Variants in SFI1 observed in about 807,000 individuals in gnomAD.
SFI1 encodes the protein SFI1 centrin binding protein.
SFI1 carries 195 observed loss-of-function variants against 207.5 expected under a neutral mutation model. That is an observed-to-expected ratio of 0.94 (90% confidence interval 0.84 to 1.06). SFI1 has a LOEUF of 1.06. SFI1 is among the 50% of genes least tolerant of loss of function. SFI1 has a pLI of 0.00. For missense variants in SFI1, 1,634 were observed against 1,588.0 expected (o/e 1.03, Z -0.49); for synonymous variants, 630 against 598.9 (o/e 1.05, Z -0.76).
intron 15 of SFI1, among the ~76,000 whole-genome samples, 180 bp downstream of exon 15, chr22:31,589,757 C>T (rs1468955068): frequency 6.6e-6 from 1 of 151,978 alleles, no homozygotes; most frequent in Non-Finnish European, 1.5e-5. Flanking sequence ...CAGTGTTTCC[C>T]CTGGGAAATC....
intron 7 of SFI1, among the ~76,000 whole-genome samples, chr22:31,561,031 T>A (rs62237766): frequency 6.6e-6 from 1 of 152,090 alleles, no homozygotes; most frequent in Non-Finnish European, 1.5e-5. Flanking sequence ...AATCAAACTG[T>A]GTAGGTCAAA....
chr22:31,584,757 T>C (rs2064796225), intron 13 of SFI1, among the ~76,000 whole-genome samples: 1 of 152,058 alleles, frequency 6.6e-6, no homozygotes. Flanking sequence ...CGTTTGGCCA[T>C]GAAACCAGAA....
intron 7 of SFI1, among the ~76,000 whole-genome samples, chr22:31,557,708 A>G (rs561892821): frequency 6.6e-6 from 1 of 152,330 alleles, no homozygotes; most frequent in Non-Finnish European, 1.5e-5. Context: ...TATTGTACAG[A>G]TTAAGATGTA....
At chr22:31,545,331 C>G (rs1216178239) in intron 4 of SFI1, among the ~76,000 whole-genome samples, 1 of 151,718 alleles carries the variant, frequency 6.6e-6, no homozygotes, top group Non-Finnish European at 1.5e-5. Context: ...CACCATTGCT[C>G]TCCAACCTGG....
intron 24 of SFI1, chr22:31,612,438 C>T (rs1360560256): frequency 3.1e-5 from 4 of 128,986 alleles, no homozygotes; most frequent in African/African-American, 1.2e-4. Context: ...ATCAGTGGGC[C>T]GGGCATGATG....
intron 7 of SFI1, among the ~76,000 whole-genome samples, chr22:31,558,893 T>G (rs887605918): frequency 2.2e-4 from 33 of 152,174 alleles, no homozygotes; most frequent in African/African-American, 7.0e-4. Context: ...CTTGGCTGAC[T>G]GCAAGCTCTG....
rs367957589 is a variant in SFI1 at position 31,613,178 on chromosome 22, C to T, written c.2527C>T (p.Arg843Trp). 27 of 1,613,596 alleles carry T rather than the reference C, an allele frequency of 1.7e-5. 1 individual carries two copies. Among genetic ancestry groups the T allele is most frequent in the African/African-American group, 8.0e-5 (6 of 74,952 alleles). Residue 843 changes from arginine (R) to tryptophan (W), a missense_variant, in exon 25 of 33, where the codon CGG becomes TGG. Arg to Trp is a moderately radical substitution (Grantham distance 101). Transcript: ENST00000400288. Reference protein sequence around the residue: ...ARRQEQRATVRALWFWAFSLQ... With the variant: ...ARRQEQRATVWALWFWAFSLQ... ...GAGGCAGGAGCAGCGGGCGACAGTG[C>T]GGGCCCTGTGGTTCTGGGCCTTCTC...
At chr22:31,602,401 C>T (rs2068264007) in intron 16 of SFI1, 108 bp downstream of exon 16, 1 of 1,235,802 alleles carries the variant, frequency 8.1e-7, no homozygotes, top group Non-Finnish European at 1.2e-6. Context: ...ACTGGAGGGC[C>T]CCTGCCTGTG....
chr22:31,589,974 A>G (rs2065619326), intron 15 of SFI1, among the ~76,000 whole-genome samples: 1 of 151,224 alleles, frequency 6.6e-6, no homozygotes, highest in South Asian at 2.1e-4. Flanking sequence ...GACTCAGGAG[A>G]GTGGGTAGTG....
At chr22:31,584,452 C>A (rs1300928618) in intron 13 of SFI1, among the ~76,000 whole-genome samples, 1 of 152,112 alleles carries the variant, frequency 6.6e-6, no homozygotes, top group Non-Finnish European at 1.5e-5. Context: ...AGTTGCCTGG[C>A]CCCCTCCCTA....
At position 31,550,517 on chromosome 22, in the gene SFI1, G is replaced by A. The variant is rs545853177; in HGVS notation, c.544+169G>A. The A allele has an allele frequency of 1.0e-5, 6 of 584,454 alleles. No individual in the cohort carries two copies. In the South Asian group the frequency reaches 1.3e-4, roughly 13 times the overall value. The allele number at this position is 584,454 out of a possible 1,614,324, so 36.2% of individuals were successfully genotyped here. A position where few individuals can be genotyped will look rare whatever the true frequency, so the allele number is the denominator to read the frequency against. On this transcript the variant is annotated intron_variant, in intron 6 of 32. Coordinates refer to ENST00000400288, the MANE Select transcript of SFI1 (RefSeq NM_001007467.3). ...AAGTGTGATCTCTGAGTGGGCACCT[G>A]TATGATTGATCCCTATGGTTTTCTC...
intron 2 of SFI1, among the ~76,000 whole-genome samples, chr22:31,509,074 G>A: frequency 6.6e-6 from 1 of 152,010 alleles, no homozygotes; most frequent in East Asian, 1.9e-4. Flanking sequence ...CTATTAATAG[G>A]TGTATTACAT....
At chr22:31,564,425 AT>A (rs2091636956) in intron 8 of SFI1, among the ~76,000 whole-genome samples, 1 of 149,638 alleles carries the variant, frequency 6.7e-6, no homozygotes, top group South Asian at 2.1e-4. Context: ...AAAAAAAAAA[AT>A]TAGCAGATAG....
intron 7 of SFI1, among the ~76,000 whole-genome samples, chr22:31,560,182 A>G (rs1168040174): frequency 6.6e-6 from 1 of 151,810 alleles, no homozygotes; most frequent in Non-Finnish European, 1.5e-5. Flanking sequence ...AGGAAAAGTG[A>G]GTGTTTCTGT....
At chr22:31,590,031 G>A (rs540220207) in intron 15 of SFI1, among the ~76,000 whole-genome samples, 1 of 151,760 alleles carries the variant, frequency 6.6e-6, no homozygotes, top group Admixed American at 6.6e-5. Context: ...GGGCCTCGAG[G>A]TGTAAATCCC....
intron 2 of SFI1, among the ~76,000 whole-genome samples, chr22:31,513,131 T>C (rs1277471745): frequency 6.6e-6 from 1 of 152,088 alleles, no homozygotes; most frequent in African/African-American, 2.4e-5. Flanking sequence ...AATCAAGCTG[T>C]TTAACTTATC....
intron 6 of SFI1, among the ~76,000 whole-genome samples, chr22:31,553,838 GTTTTTTTTTTTTTT>G (rs58333559): frequency 1.1e-4 from 3 of 26,308 alleles, no homozygotes; most frequent in Non-Finnish European, 1.5e-4. Context: ...AATGGATTAT[GTTTTTTTTTTTTTT>G]TTTTTTTTTT....
intron 5 of SFI1, among the ~76,000 whole-genome samples, chr22:31,548,161 AGT>A (rs2060271866): frequency 1.3e-5 from 2 of 151,430 alleles, no homozygotes; most frequent in Non-Finnish European, 2.9e-5. Context: ...TGGAGCTTGC[AGT>A]GAGCCAAGAC....
chr22:31,611,615 C>G (rs1170334351), intron 23 of SFI1, 151 bp from the exon 24 acceptor site: 1 of 798,762 alleles, frequency 1.3e-6, no homozygotes, highest in Non-Finnish European at 1.9e-6. Context: ...AGGCGGCACT[C>G]CCTGCCTATG....
Sources: gnomAD v4.1 joint callset for allele counts (sites outside exome capture counted in the v4.1 genomes callset) on GRCh38, gnomAD v4.1.1 for gene constraint, MANE v1.5 for transcripts, NCBI Gene and HGNC (gene_info 2026-07-23, HGNC 2026-07-21) for gene names.